The following AIDA variants were observed in gnomAD, a reference collection of about 807,000 sequenced individuals.
AIDA encodes the protein axin interactor, dorsalization associated.
AIDA carries 18 observed loss-of-function variants against 42.7 expected under a neutral mutation model. The ratio of observed to expected loss-of-function variants is 0.42; its 90% CI spans 0.29 to 0.63. The LOEUF is 0.63. Among genes scored for constraint, AIDA ranks in the 20% least tolerant of loss-of-function variants. The pLI is 0.19. For missense variants in AIDA, 250 were observed against 354.1 expected, an observed-to-expected ratio of 0.71 and a Z score of 2.36; for synonymous variants, 104 against 122.9, an observed-to-expected ratio of 0.85 and a Z score of 1.02.
At chr1:222,698,270 A>G (rs1178893856) in intron 2 of AIDA, among the ~76,000 whole-genome samples, 1 of 152,192 alleles carries the variant, frequency 6.6e-6, no homozygotes, top group African/African-American at 2.4e-5. Context: ...TAAAGTTTAG[A>G]GATCAGTAGT....
At chr1:222,693,887 T>G in intron 3 of AIDA, 44 bp from the exon 4 acceptor site, 1 of 1,430,962 alleles carries the variant, frequency 7.0e-7, no homozygotes, top group Non-Finnish European at 9.8e-7. Flanking sequence ...CTACAAGGAT[T>G]TCACTGCACC....
chr1:222,689,520 T>TACATAC (rs1553294406), intron 4 of AIDA, among the ~76,000 whole-genome samples: 3 of 58,102 alleles, frequency 5.2e-5, no homozygotes, highest in Non-Finnish European at 1.1e-4. Context: ...TATATATATA[T>TACATAC]ACACACATAC....
chr1:222,703,362 T>TAA, intron 1 of AIDA, 145 bp from the exon 2 acceptor site: 17 of 446,608 alleles, frequency 3.8e-5, no homozygotes, highest in South Asian at 8.9e-5. Context: ...CAAATTCTTC[T>TAA]CAAAAAAAAA....
rs777389113 is a variant in AIDA at position 222,676,064 on chromosome 1, C to T, written c.583+32G>A. On this transcript the variant is annotated intron_variant, in intron 7 of 9. Transcript: ENST00000340020. The stretch of plus-strand genomic sequence containing the variant: ...TGAGAAGCAACATTATAAAATTCAC[C>T]TGAGAAAAAAAAAGTAAACAGAGTC... 3.3e-6 allele frequency: 5 copies of T among 1,528,084 alleles called. No individual in the cohort carries two copies. In the African/African-American group the frequency reaches 7.1e-5, roughly 22 times the overall value. 94.7% of individuals were successfully genotyped at this position (1,528,084 alleles called of 1,614,324 possible). A position where few individuals can be genotyped will look rare whatever the true frequency, so the allele number is the denominator to read the frequency against.
At chr1:222,693,391 C>CA (rs1558212929) in intron 4 of AIDA, among the ~76,000 whole-genome samples, 1 of 151,614 alleles carries the variant, frequency 6.6e-6, no homozygotes, top group Non-Finnish European at 1.5e-5. Flanking sequence ...ATGAAGACAA[C>CA]AAAAAAAATA....
chr1:222,703,203 A>G lies in AIDA; in HGVS notation c.125T>C (p.Leu42Pro). Residue 42 changes from leucine to proline, a missense_variant, in exon 2 of 10, where the codon CTA (leucine) becomes CCA (proline). Physicochemically the swap from Leu to Pro is moderately conservative, Grantham distance 98. This residue lies in a region of AIDA where 199 missense variants were observed against 232.6 expected (regional missense o/e 0.86). Coordinates refer to ENST00000340020, the MANE Select transcript of AIDA (RefSeq NM_022831.4). Reference sequence around the variant, plus strand: ...GTGTTGAGCTTGGGCCTCCTTTTGTAGATGTCTTGCTAATCTGTAAGAAGA... The same window carrying G: ...GTGTTGAGCTTGGGCCTCCTTTTGTGGATGTCTTGCTAATCTGTAAGAAGA... ...IDEYQILARH[L>P]QKEAQAQHNN... 6.2e-7 allele frequency: 1 copy of G among 1,608,652 alleles called. No homozygotes were observed. The highest frequency in any genetic ancestry group is 8.5e-7 in the Non-Finnish European group (1 of 1,178,212).
intron 2 of AIDA, among the ~76,000 whole-genome samples, chr1:222,702,630 G>GA (rs1229160177): frequency 6.6e-6 from 1 of 152,190 alleles, no homozygotes; most frequent in Non-Finnish European, 1.5e-5. Flanking sequence ...CCAAATTCTT[G>GA]ACTTGAACTA....
chr1:222,682,609 T>C (rs2124953789), intron 6 of AIDA, among the ~76,000 whole-genome samples: 1 of 152,308 alleles, frequency 6.6e-6, no homozygotes, highest in Non-Finnish European at 1.5e-5. Flanking sequence ...CATGATAATA[T>C]ATGCATTGCT....
rs534099074 is a variant in AIDA, at chr1:222,669,757, A to G, written c.*136T>C. 7 of 876,792 alleles carry G rather than the reference A, an allele frequency of 8.0e-6. No individual in the cohort carries two copies. The South Asian group carries it at 1.1e-4, about 14-fold the overall frequency. The allele number at this position is 876,792 out of a possible 1,614,324, so 54.3% of individuals were successfully genotyped here. A position where few individuals can be genotyped will look rare whatever the true frequency, so the allele number is the denominator to read the frequency against. On this transcript the variant is annotated 3_prime_UTR_variant, in exon 10 of 10. Coordinates refer to ENST00000340020, the MANE Select transcript of AIDA (RefSeq NM_022831.4). ...TCTGAATTCTGTGGTACAGCTTTGC[A>G]TTGGACTCCGTCCGGCCTACTGGTC...
intron 1 of AIDA, 105 bp from the exon 2 acceptor site, chr1:222,703,322 G>A: frequency 2.9e-6 from 2 of 680,384 alleles, no homozygotes; most frequent in East Asian, 6.9e-5. Flanking sequence ...TTATTGTCCT[G>A]TTTTTAAAAT....
intron 7 of AIDA, 113 bp from the exon 8 acceptor site, chr1:222,673,548 G>A (rs554580476): frequency 2.0e-5 from 14 of 707,020 alleles, no homozygotes; most frequent in African/African-American, 5.5e-5. Context: ...AGGCCGAGGC[G>A]GGCAGATGAC....
At chr1:222,697,842 G>A (rs1423529623) in intron 2 of AIDA, among the ~76,000 whole-genome samples, 1 of 151,844 alleles carries the variant, frequency 6.6e-6, no homozygotes, top group African/African-American at 2.4e-5. Flanking sequence ...AGCTGGAGGT[G>A]GTGGGGGTAG....
At chr1:222,682,700 AT>A (rs1246803215) in intron 6 of AIDA, among the ~76,000 whole-genome samples, 3 of 151,928 alleles carry the variant, frequency 2.0e-5, no homozygotes, top group African/African-American at 7.3e-5. Context: ...AGTCATCCAA[AT>A]TTTTTTTGAG....
In AIDA at chr1:222,686,700, T is replaced by C. The variant is rs78961221; in HGVS notation, c.460+230A>G. 1.5e-3 allele frequency among the ~76,000 whole-genome samples: 227 copies of C among 152,276 alleles called. 6 individuals carry two copies. In the South Asian group the frequency reaches 0.021, roughly 14 times the overall value. Reference sequence around the variant, plus strand: ...CAACTACATAGTGAGCCTTGTGAGTTGTCCTAGTGAATCACTGAACATGGG... The same window carrying C: ...CAACTACATAGTGAGCCTTGTGAGTCGTCCTAGTGAATCACTGAACATGGG... On this transcript the variant is annotated intron_variant, in intron 6 of 9. Transcript: ENST00000340020.
At chr1:222,709,131 G>C (rs574674204) in intron 1 of AIDA, among the ~76,000 whole-genome samples, 1 of 152,082 alleles carries the variant, frequency 6.6e-6, no homozygotes, top group Non-Finnish European at 1.5e-5. Flanking sequence ...AACAAATACA[G>C]AAAATGTATT....
At position 222,683,246 on chromosome 1, in the gene AIDA, C is replaced by A. The variant is rs564451223; in HGVS notation, c.460+3684G>T. Among the ~76,000 whole-genome samples, 55 of 152,224 alleles carry A rather than the reference C, an allele frequency of 3.6e-4. No individual in the cohort carries two copies. The South Asian group carries it at 0.011, about 31-fold the overall frequency. ...ACTTCAGATGATATTAACTGCTTGGCCCCTAAACATGTTCTGGATTTCCAC... is the reference window on the plus strand; with the variant it reads ...ACTTCAGATGATATTAACTGCTTGGACCCTAAACATGTTCTGGATTTCCAC... On this transcript the variant is annotated intron_variant, in intron 6 of 9. Coordinates refer to ENST00000340020, the MANE Select transcript of AIDA (RefSeq NM_022831.4).
chr1:222,699,132 GTT>G (rs1655609766), intron 2 of AIDA, among the ~76,000 whole-genome samples: 2 of 151,854 alleles, frequency 1.3e-5, no homozygotes, highest in Non-Finnish European at 2.9e-5. Context: ...GCCAAAGTAT[GTT>G]TTGTTTTGTT....
chr1:222,692,637 A>C (rs1655401864), intron 4 of AIDA, among the ~76,000 whole-genome samples: 1 of 152,190 alleles, frequency 6.6e-6, no homozygotes, highest in Non-Finnish European at 1.5e-5. Context: ...GTTATTCACA[A>C]TCTCTTTGAG....
At chr1:222,704,500 T>C (rs1490057562) in intron 1 of AIDA, among the ~76,000 whole-genome samples, 1 of 152,156 alleles carries the variant, frequency 6.6e-6, no homozygotes, top group African/African-American at 2.4e-5. Context: ...ACTACTAACA[T>C]GTGTAACACA....
Sources: allele counts gnomAD v4.1 joint callset (sites outside exome capture counted in the v4.1 genomes callset), GRCh38; gene constraint gnomAD v4.1.1; regional missense constraint gnomAD v4.1.1; transcripts MANE v1.5; gene names NCBI Gene and HGNC (gene_info 2026-07-23, HGNC 2026-07-21).